Variants in CCDC117 observed in about 807,000 individuals in gnomAD.
CCDC117 encodes coiled-coil domain-containing protein 117.
CCDC117 carries 1 observed loss-of-function variant against 23.5 expected under a neutral mutation model. That is an observed-to-expected ratio of 0.04 (90% CI 0.02 to 0.20). CCDC117 has a LOEUF of 0.20. Among genes scored for constraint, CCDC117 ranks in the 10% least tolerant of loss-of-function variants. The pLI, the probability that CCDC117 is intolerant of heterozygous loss-of-function variation, is 1.00. For missense variants in CCDC117, 383 were observed against 348.2 expected (o/e 1.10, Z -0.80); for synonymous variants, 132 against 124.8 (o/e 1.06, Z -0.39).
chr22:28,781,330 G>GTTTTTTTTTTTTTTTTTTTTTTTTT (rs1404977996), intron 3 of CCDC117, among the ~76,000 whole-genome samples, 158 bp downstream of exon 3: 1 of 37,662 alleles, frequency 2.7e-5, no homozygotes, highest in Non-Finnish European at 4.5e-5. Context: ...TTGTTTTTTT[G>GTTTTTTTTTTTTTTTTTTTTTTTTT]TTTTGTTTTT....
At chr22:28,781,636 C>T (rs1244935885) in intron 3 of CCDC117, among the ~76,000 whole-genome samples, 3 of 53,468 alleles carry the variant, frequency 5.6e-5, no homozygotes, top group Non-Finnish European at 9.2e-5. Context: ...CAGGCGTGAG[C>T]CACCGCACCC....
Position 28,787,406 on chromosome 22 carries a change from T to A in CCDC117, c.*1080T>A, listed in dbSNP as rs1166512823. 1 of 152,190 alleles carries A rather than the reference T, an allele frequency of 6.6e-6. No homozygotes were observed. The highest frequency in any genetic ancestry group is 1.5e-5 in the Non-Finnish European group (1 of 68,044). The allele number at this position is 152,190 out of a possible 1,614,324, so 9.4% of individuals were successfully genotyped here. A position where few individuals can be genotyped will look rare whatever the true frequency, so the allele number is the denominator to read the frequency against. On this transcript the variant is annotated 3_prime_UTR_variant, in exon 5 of 5. Transcript: ENST00000249064. ...TGCCCACCCCAGCCTCCCAAAATGC[T>A]GGGATTACAGGCGTGAGCCACGGCA...
intron 2 of CCDC117, among the ~76,000 whole-genome samples, chr22:28,774,564 T>C (rs1271355418): frequency 6.6e-6 from 1 of 151,878 alleles, no homozygotes; most frequent in Non-Finnish European, 1.5e-5. Flanking sequence ...TTTGTAGAGA[T>C]GGTGTCTCAC....
chr22:28,774,584 C>T (rs1280394776), intron 2 of CCDC117, among the ~76,000 whole-genome samples: 1 of 151,904 alleles, frequency 6.6e-6, no homozygotes, highest in Non-Finnish European at 1.5e-5. Flanking sequence ...CTATGTTGCC[C>T]AGTCTGGTCA....
At chr22:28,778,482 C>T (rs578153310) in intron 2 of CCDC117, among the ~76,000 whole-genome samples, 49 of 152,106 alleles carry the variant, frequency 3.2e-4, no homozygotes, top group Admixed American at 1.1e-3. Context: ...GTGGTGCGCA[C>T]CTGTAGTCCC....
chr22:28,776,414 A>G (rs986317823), intron 2 of CCDC117, among the ~76,000 whole-genome samples: 1 of 151,500 alleles, frequency 6.6e-6, no homozygotes, highest in Non-Finnish European at 1.5e-5. Flanking sequence ...TGCTGGCAGT[A>G]TTGTATATCT....
chr22:28,777,702 G>A (rs2031209529), intron 2 of CCDC117, among the ~76,000 whole-genome samples: 1 of 151,534 alleles, frequency 6.6e-6, no homozygotes, highest in African/African-American at 2.4e-5. Context: ...TAGAGATGGG[G>A]TTTCACCATG....
rs2031020647 is a variant in CCDC117, at chr22:28,772,779, T to A, written c.-71T>A. The A allele has an allele frequency of 7.6e-6, 9 of 1,176,570 alleles. No individual in the cohort carries two copies. Among genetic ancestry groups the A allele is most frequent in the Non-Finnish European group, 9.5e-6 (9 of 943,174 alleles). The allele number at this position is 1,176,570 out of a possible 1,614,324, so 72.9% of individuals were successfully genotyped here. A position where few individuals can be genotyped will look rare whatever the true frequency, so the allele number is the denominator to read the frequency against. On this transcript the variant is annotated 5_prime_UTR_variant, in exon 1 of 5. Transcript: ENST00000249064. ...GGCTGGCGGGTTTTGGCAGTAGCTG[T>A]GGCTGCGGCTGCCGGGCCTGGGGAC...
chr22:28,780,825 G>GTT (rs1467232265), intron 2 of CCDC117, 123 bp from the exon 3 acceptor site: 3 of 665,052 alleles, frequency 4.5e-6, no homozygotes, highest in Non-Finnish European at 7.7e-6. Flanking sequence ...TTTCCATCTT[G>GTT]TTACTACACA....
At position 28,774,070 on chromosome 22, in the gene CCDC117, G is replaced by GGT. The variant is rs1555944527; in HGVS notation, c.239+292_239+293insGT. On this transcript the variant is annotated intron_variant, in intron 2 of 4. Coordinates refer to ENST00000249064, the MANE Select transcript of CCDC117 (RefSeq NM_173510.4). ...ATACATATTGAAAAGTTTTGTTTTT[G>GGT]TTTTTTTTTTTTTTTGGGACGGAGT... Among the ~76,000 whole-genome samples the GGT allele has an allele frequency of 4.4e-4, 55 of 126,090 alleles. 1 individual carries two copies. Among genetic ancestry groups the GGT allele is most frequent in the Non-Finnish European group, 5.1e-4 (29 of 57,296 alleles). The allele number at this position is 126,090 out of a possible 152,430, so 82.7% of individuals were successfully genotyped here.
At chr22:28,780,026 G>A (rs1232582331) in intron 2 of CCDC117, among the ~76,000 whole-genome samples, 1 of 152,176 alleles carries the variant, frequency 6.6e-6, no homozygotes, top group African/African-American at 2.4e-5. Flanking sequence ...GAAGGTACAG[G>A]GAGTTAGTAA....
rs1430139412 is a variant in CCDC117, at chr22:28,781,552, C to T, written c.464+380C>T. 5.0e-5 allele frequency among the ~76,000 whole-genome samples: 3 copies of T among 60,586 alleles called. 1 individual carries two copies. The highest frequency in any genetic ancestry group is 2.9e-4 in the African/African-American group (2 of 6,982). The allele number at this position is 60,586 out of a possible 152,430, so 39.7% of individuals were successfully genotyped here. A position where few individuals can be genotyped will look rare whatever the true frequency, so the allele number is the denominator to read the frequency against. On this transcript the variant is annotated intron_variant, in intron 3 of 4. Coordinates refer to ENST00000249064, the MANE Select transcript of CCDC117 (RefSeq NM_173510.4). ...ATTTTTAGTAGAGACGGGGTTTCAC[C>T]GTTTTAGCCGGGATGGTCTCGATCT...
chr22:28,780,046 G>A (rs2031274008), intron 2 of CCDC117, among the ~76,000 whole-genome samples: 1 of 152,210 alleles, frequency 6.6e-6, no homozygotes, highest in South Asian at 2.1e-4. Flanking sequence ...AAAATGGCAT[G>A]GAGATATGAT....
intron 3 of CCDC117, among the ~76,000 whole-genome samples, chr22:28,782,250 C>CTT (rs34670753): frequency 0.032 from 2,604 of 80,306 alleles, 319 homozygotes; most frequent in South Asian, 0.057. Context: ...TCTACTGAGC[C>CTT]TTTTTTTTTT....
At chr22:28,779,874 A>G (rs1046763651) in intron 2 of CCDC117, among the ~76,000 whole-genome samples, 1 of 152,230 alleles carries the variant, frequency 6.6e-6, no homozygotes, top group East Asian at 1.9e-4. Context: ...GCAATAAAGT[A>G]CTTTTGGTCT....
Position 28,781,500 on chromosome 22 carries a change from G to A in CCDC117, c.464+328G>A, listed in dbSNP as rs1458969362. On this transcript the variant is annotated intron_variant, in intron 3 of 4. Coordinates refer to ENST00000249064, the MANE Select transcript of CCDC117 (RefSeq NM_173510.4). ...CAAGTAGCTGGGACTACAGGCGCCC[G>A]CCACTACGCCCGGCTAATTTTTTTG... Among the ~76,000 whole-genome samples, 91 of 90,632 alleles carry A rather than the reference G, an allele frequency of 1.0e-3. 23 individuals carry two copies. Among genetic ancestry groups the A allele is most frequent in the African/African-American group, 5.8e-3 (83 of 14,332 alleles). 59.5% of individuals were successfully genotyped at this position (90,632 alleles called of 152,430 possible). A position where few individuals can be genotyped will look rare whatever the true frequency, so the allele number is the denominator to read the frequency against.
In CCDC117 at chr22:28,772,898, T is replaced by C. The variant is rs2031027026; in HGVS notation, c.49T>C (p.Ser17Pro). 9 of 1,233,094 alleles carry C rather than the reference T, an allele frequency of 7.3e-6. No individual in the cohort carries two copies. The highest frequency in any genetic ancestry group is 8.1e-6 in the Non-Finnish European group (8 of 987,366). The allele number at this position is 1,233,094 out of a possible 1,614,324, so 76.4% of individuals were successfully genotyped here. The change falls in exon 1 of 5, where the codon TCG becomes CCG. Residue 17 changes from serine to proline, a missense_variant. By Grantham distance (74) the Ser-to-Pro change is moderately conservative. Coordinates refer to ENST00000249064, the MANE Select transcript of CCDC117 (RefSeq NM_173510.4). ...CAGCGGCCTCCCTCTGAGCGGCGGCTCGGACTTCCTGCAGCCGCCGCAGCC... is the reference window on the plus strand; with the variant it reads ...CAGCGGCCTCCCTCTGAGCGGCGGCCCGGACTTCCTGCAGCCGCCGCAGCC... ...PFSGLPLSGG[S>P]DFLQPPQPAF...
chr22:28,778,053 G>C (rs915576547), intron 2 of CCDC117, among the ~76,000 whole-genome samples: 2 of 152,030 alleles, frequency 1.3e-5, no homozygotes, highest in Admixed American at 6.6e-5. Flanking sequence ...CACCCTGTTA[G>C]CCAGGATGGT....
intron 2 of CCDC117, among the ~76,000 whole-genome samples, chr22:28,778,512 G>T (rs1464832905): frequency 6.6e-6 from 1 of 152,094 alleles, no homozygotes; most frequent in Non-Finnish European, 1.5e-5. Context: ...GGGGGCTGAG[G>T]CGGGAGAATT....
Sources: gnomAD v4.1 joint callset for allele counts (sites outside exome capture counted in the v4.1 genomes callset) on GRCh38, gnomAD v4.1.1 for gene constraint, MANE v1.5 for transcripts, NCBI Gene and HGNC (gene_info 2026-07-23, HGNC 2026-07-21) for gene names.